Variants in EYS observed in about 807,000 individuals in gnomAD.
EYS encodes the protein EGF-like photoreceptor maintenance factor.
In EYS, 250 loss-of-function variants were observed where a neutral mutation model predicts 282.1. The ratio of observed to expected loss-of-function variants is 0.89; its 90% CI spans 0.80 to 0.98. EYS has a LOEUF of 0.98. Among genes scored for constraint, EYS ranks in the 50% least tolerant of loss-of-function variants. The pLI is 0.00. For missense variants in EYS, 4,016 were observed against 3,709.0 expected, an observed-to-expected ratio of 1.08 and a Z score of -2.15; for synonymous variants, 1,355 against 1,282.9, an observed-to-expected ratio of 1.06 and a Z score of -1.20.
intron 14 of EYS, among the ~76,000 whole-genome samples, chr6:64,970,692 A>T (rs1215076279): frequency 6.6e-6 from 1 of 152,142 alleles, no homozygotes; most frequent in Non-Finnish European, 1.5e-5. Context: ...CAATACGTAA[A>T]CCTTGAATAA....
At chr6:64,862,561 A>G (rs989293846) in intron 19 of EYS, among the ~76,000 whole-genome samples, 5 of 152,118 alleles carry the variant, frequency 3.3e-5, no homozygotes, top group African/African-American at 9.7e-5. Context: ...GTCTTTTAAT[A>G]TATTAATTAT....
intron 23 of EYS, among the ~76,000 whole-genome samples, chr6:64,618,398 G>A (rs1207006700): frequency 6.6e-6 from 1 of 152,088 alleles, no homozygotes; most frequent in African/African-American, 2.4e-5. Context: ...TAGGGACAAT[G>A]GGTCTTTACA....
chr6:63,977,816 C>T (rs539017691), intron 35 of EYS, among the ~76,000 whole-genome samples: 1 of 151,964 alleles, frequency 6.6e-6, no homozygotes, highest in African/African-American at 2.4e-5. Context: ...CAAATCCCTC[C>T]TGTCCCAAGC....
chr6:64,908,694 C>T (rs1030354953), intron 16 of EYS, among the ~76,000 whole-genome samples: 15 of 152,030 alleles, frequency 9.9e-5, no homozygotes, highest in East Asian at 5.9e-4. Context: ...TGTCTCTTCC[C>T]GAAAGTCAGG....
At chr6:64,080,175 G>C (rs942841149) in intron 32 of EYS, among the ~76,000 whole-genome samples, 16 of 152,166 alleles carry the variant, frequency 1.1e-4, no homozygotes, top group Admixed American at 9.2e-4. Context: ...CTAGTTTACA[G>C]TCCCACCAAC....
At chr6:64,467,203 G>T (rs1395408553) in intron 26 of EYS, among the ~76,000 whole-genome samples, 5 of 152,112 alleles carry the variant, frequency 3.3e-5, no homozygotes, top group African/African-American at 1.2e-4. Flanking sequence ...AGTATTCAGA[G>T]AATGTAATTA....
intron 26 of EYS, among the ~76,000 whole-genome samples, chr6:64,574,255 A>G (rs1477936032): frequency 6.6e-6 from 1 of 152,078 alleles, no homozygotes; most frequent in Non-Finnish European, 1.5e-5. Flanking sequence ...GGAGACGAAC[A>G]TCACACACCA....
chr6:64,794,812 A>G (rs1774304041), intron 22 of EYS, among the ~76,000 whole-genome samples: 1 of 152,192 alleles, frequency 6.6e-6, no homozygotes, highest in Non-Finnish European at 1.5e-5. Flanking sequence ...TCTGAAAAAA[A>G]TCACAGGATA....
rs558887741 is a variant in EYS, at chr6:64,026,290, C to T, written c.6726-27107G>A. Reference sequence around the variant, plus strand: ...ATTCCGATCAGCAGGGTCCAGGGTCCGTTGTGGGTTCTTGGGCAGGGGGAA... The same window carrying T: ...ATTCCGATCAGCAGGGTCCAGGGTCTGTTGTGGGTTCTTGGGCAGGGGGAA... On this transcript the variant is annotated intron_variant, in intron 33 of 42. Coordinates refer to ENST00000503581, the MANE Select transcript of EYS (RefSeq NM_001142800.2). 3.0e-3 allele frequency among the ~76,000 whole-genome samples: 463 copies of T among 152,118 alleles called. 5 individuals carry two copies. Among genetic ancestry groups the T allele is most frequent in the African/African-American group, 0.011 (445 of 41,502 alleles).
chr6:65,675,651 G>C (rs1014594223), intron 1 of EYS, among the ~76,000 whole-genome samples: 1 of 151,780 alleles, frequency 6.6e-6, no homozygotes, highest in Non-Finnish European at 1.5e-5. Context: ...CATGATGATA[G>C]CAGGAAATCC....
At chr6:65,072,493 CA>C (rs1773930010) in intron 12 of EYS, among the ~76,000 whole-genome samples, 1 of 151,728 alleles carries the variant, frequency 6.6e-6, no homozygotes, top group Non-Finnish European at 1.5e-5. Context: ...TTATCAAAAT[CA>C]ACTCCAATAC....
chr6:64,576,102 C>G (rs1051329850), intron 26 of EYS, among the ~76,000 whole-genome samples: 1 of 152,038 alleles, frequency 6.6e-6, no homozygotes, highest in African/African-American at 2.4e-5. Context: ...AACTGAAGAC[C>G]TTTAAAAATC....
intron 11 of EYS, among the ~76,000 whole-genome samples, chr6:65,310,545 A>G (rs1409400953): frequency 6.6e-6 from 1 of 152,018 alleles, no homozygotes; most frequent in African/African-American, 2.4e-5. Flanking sequence ...AAATAAAAAA[A>G]CCCAAACTCT....
intron 2 of EYS, among the ~76,000 whole-genome samples, chr6:65,620,089 C>T (rs912808913): frequency 8.5e-4 from 130 of 152,106 alleles, no homozygotes; most frequent in Non-Finnish European, 1.5e-3. Flanking sequence ...AGAGAGGATT[C>T]CCTCTTTTTC....
intron 12 of EYS, among the ~76,000 whole-genome samples, chr6:65,269,942 A>T (rs1484994630): frequency 1.3e-5 from 2 of 152,138 alleles, no homozygotes; most frequent in Non-Finnish European, 2.9e-5. Flanking sequence ...TTCCCCCCAA[A>T]TTCATGTCAT....
At chr6:65,205,062 A>G (rs1766001241) in intron 12 of EYS, among the ~76,000 whole-genome samples, 1 of 143,202 alleles carries the variant, frequency 7.0e-6, no homozygotes, top group Non-Finnish European at 1.5e-5. Flanking sequence ...ATATATTTAT[A>G]TATTCTAGAA....
At chr6:64,249,055 C>A (rs1389689236) in intron 30 of EYS, among the ~76,000 whole-genome samples, 2 of 118,634 alleles carry the variant, frequency 1.7e-5, no homozygotes, top group African/African-American at 4.3e-5. Context: ...CAGAGTGACA[C>A]CCTGTCTCAA....
intron 30 of EYS, among the ~76,000 whole-genome samples, chr6:64,271,440 T>A (rs1465008483): frequency 6.6e-6 from 1 of 152,174 alleles, no homozygotes; most frequent in Non-Finnish European, 1.5e-5. Flanking sequence ...AAAGGTTTTT[T>A]TGGGAAACAG....
At chr6:65,468,550 T>C (rs1018940844) in intron 5 of EYS, among the ~76,000 whole-genome samples, 5 of 152,084 alleles carry the variant, frequency 3.3e-5, no homozygotes, top group Non-Finnish European at 4.4e-5. Flanking sequence ...TGGCCCTATT[T>C]TGCATGTCAG....
Sources: allele counts gnomAD v4.1 joint callset (sites outside exome capture counted in the v4.1 genomes callset), GRCh38; gene constraint gnomAD v4.1.1; transcripts MANE v1.5; gene names NCBI Gene and HGNC (gene_info 2026-07-23, HGNC 2026-07-21).